Variants in CCSER1 observed in about 807,000 individuals in gnomAD.
CCSER1 encodes coiled-coil serine rich protein 1.
Under a neutral mutation model 82.0 loss-of-function variants are expected in CCSER1, and 41 were observed. The observed-to-expected ratio is 0.50, with a 90% confidence interval of 0.39 to 0.65. CCSER1 has a LOEUF of 0.65. Among genes scored for constraint, CCSER1 ranks in the 30% least tolerant of loss-of-function variants. The pLI, the probability that CCSER1 is intolerant of heterozygous loss-of-function variation, is 0.00. For synonymous variants in CCSER1, 414 were observed against 383.9 expected (o/e 1.08, Z -0.92); for missense variants, 1,119 against 1,064.2 (o/e 1.05, Z -0.72).
At chr4:91,258,102 T>G (rs1482478347) in intron 10 of CCSER1, among the ~76,000 whole-genome samples, 1 of 151,928 alleles carries the variant, frequency 6.6e-6, no homozygotes, top group Non-Finnish European at 1.5e-5. Context: ...ATCTAGTTAT[T>G]TTATGCTGAA....
chr4:90,187,381 A>G (rs946218404), intron 1 of CCSER1, among the ~76,000 whole-genome samples: 1 of 137,478 alleles, frequency 7.3e-6, no homozygotes, highest in East Asian at 2.1e-4. Context: ...TTTTTTGGCC[A>G]CCGTTGAAAT....
At chr4:91,185,878 G>A (rs1245084595) in intron 10 of CCSER1, among the ~76,000 whole-genome samples, 2 of 152,114 alleles carry the variant, frequency 1.3e-5, no homozygotes, top group African/African-American at 2.4e-5. Flanking sequence ...GCCTGTACTA[G>A]CCAAGTAGCT....
chr4:90,434,179 T>C (rs1301477976), intron 4 of CCSER1, among the ~76,000 whole-genome samples: 1 of 152,150 alleles, frequency 6.6e-6, no homozygotes, highest in Non-Finnish European at 1.5e-5. Context: ...AGATTATGCA[T>C]GAGCTTTTTC....
chr4:90,267,279 G>A (rs886534079), intron 1 of CCSER1, among the ~76,000 whole-genome samples: 7 of 151,950 alleles, frequency 4.6e-5, no homozygotes, highest in Non-Finnish European at 7.4e-5. Context: ...GGAATGAAGA[G>A]GGGGAAAGAC....
At chr4:90,206,618 T>C (rs1294531443) in intron 1 of CCSER1, among the ~76,000 whole-genome samples, 1 of 151,994 alleles carries the variant, frequency 6.6e-6, no homozygotes, top group Admixed American at 6.6e-5. Flanking sequence ...TTCCAATTAT[T>C]TGGTCAATTT....
At chr4:90,693,712 C>G (rs534228302) in intron 6 of CCSER1, among the ~76,000 whole-genome samples, 2 of 151,876 alleles carry the variant, frequency 1.3e-5, no homozygotes, top group Non-Finnish European at 2.9e-5. Context: ...CTCCAAGCCT[C>G]AGTTTCTTAT....
intron 3 of CCSER1, among the ~76,000 whole-genome samples, chr4:90,394,654 A>G (rs1300201980): frequency 2.0e-5 from 3 of 152,180 alleles, no homozygotes; most frequent in Non-Finnish European, 4.4e-5. Context: ...TAAATTTTAT[A>G]TAAGTAAATT....
chr4:90,764,978 T>G (rs1025860835), intron 7 of CCSER1, among the ~76,000 whole-genome samples: 1 of 152,144 alleles, frequency 6.6e-6, no homozygotes, highest in African/African-American at 2.4e-5. Context: ...CTCTCACTAT[T>G]GTCATTCTCC....
At chr4:90,283,967 C>T (rs975078733) in intron 1 of CCSER1, among the ~76,000 whole-genome samples, 1 of 152,018 alleles carries the variant, frequency 6.6e-6, no homozygotes, top group African/African-American at 2.4e-5. Context: ...TCCCCTTTCT[C>T]CACATCCTCA....
chr4:90,465,320 CTTT>C (rs1157811263), intron 4 of CCSER1, among the ~76,000 whole-genome samples: 61 of 131,934 alleles, frequency 4.6e-4, no homozygotes, highest in South Asian at 1.7e-3. Flanking sequence ...TTTCCGTGTT[CTTT>C]TTTTTTTTTT....
At position 90,128,851 on chromosome 4, in the gene CCSER1, C is replaced by T. The variant is rs72874386; in HGVS notation, c.-42+1020C>T. Among the ~76,000 whole-genome samples, 1,260 of 151,824 alleles carry T rather than the reference C, an allele frequency of 8.3e-3. 20 individuals are homozygous for T. The highest frequency in any genetic ancestry group is 0.029 in the African/African-American group (1,193 of 41,386). ...TTTCTCTCTCTCTCTCTCTCCTCTC[C>T]CTGCCTCAGAATTAGAAGCAATTAT... On this transcript the variant is annotated intron_variant, in intron 1 of 10. Coordinates refer to ENST00000509176, the MANE Select transcript of CCSER1 (RefSeq NM_001145065.2).
intron 9 of CCSER1, among the ~76,000 whole-genome samples, chr4:91,030,807 G>A (rs973528479): frequency 2.4e-5 from 3 of 123,108 alleles, no homozygotes; most frequent in African/African-American, 7.5e-5. Flanking sequence ...TCCAAAAGCT[G>A]TGTGAAAAGC....
Position 90,839,165 on chromosome 4 carries a change from T to C in CCSER1, c.2094+23320T>C. On this transcript the variant is annotated intron_variant, in intron 8 of 10. Coordinates refer to ENST00000509176, the MANE Select transcript of CCSER1 (RefSeq NM_001145065.2). The stretch of plus-strand genomic sequence containing the variant: ...GCATTTCTTCTATATTGCTAACTTC[T>C]TTGAGAAATATTATTATGATCTTTG... The C allele has an allele frequency of 8.1e-6, 6 of 740,382 alleles. No individual in the cohort carries two copies. In the South Asian group the frequency reaches 8.5e-5, roughly 10 times the overall value. 45.9% of individuals were successfully genotyped at this position (740,382 alleles called of 1,614,324 possible). A position where few individuals can be genotyped will look rare whatever the true frequency, so the allele number is the denominator to read the frequency against.
chr4:90,990,529 T>C (rs1736937716), intron 9 of CCSER1, among the ~76,000 whole-genome samples: 1 of 151,952 alleles, frequency 6.6e-6, no homozygotes, highest in South Asian at 2.1e-4. Context: ...GACTCTGCAA[T>C]TGCTTTGAGC....
At chr4:90,465,585 A>G (rs1375294922) in intron 4 of CCSER1, among the ~76,000 whole-genome samples, 2 of 152,022 alleles carry the variant, frequency 1.3e-5, no homozygotes, top group Non-Finnish European at 2.9e-5. Flanking sequence ...TACCTGGTCT[A>G]TTTTTTATAA....
intron 7 of CCSER1, among the ~76,000 whole-genome samples, chr4:90,807,423 T>G (rs1021357763): frequency 2.6e-5 from 4 of 152,106 alleles, no homozygotes; most frequent in Non-Finnish European, 5.9e-5. Context: ...TTCCTTGTAG[T>G]CAAGCTGGTT....
chr4:90,812,342 C>G (rs1758461359), intron 7 of CCSER1, among the ~76,000 whole-genome samples: 1 of 152,128 alleles, frequency 6.6e-6, no homozygotes, highest in Non-Finnish European at 1.5e-5. Flanking sequence ...GGATCAATAC[C>G]CTGTATCCTT....
At position 90,973,756 on chromosome 4, in the gene CCSER1, C is replaced by T. The variant is rs1042808030; in HGVS notation, c.2172+50309C>T. 1.1e-4 allele frequency among the ~76,000 whole-genome samples: 17 copies of T among 151,466 alleles called. 1 individual carries two copies. Among genetic ancestry groups the T allele is most frequent in the African/African-American group, 2.7e-4 (11 of 41,248 alleles). On this transcript the variant is annotated intron_variant, in intron 9 of 10. Transcript: ENST00000509176. ...AGCAATAACCAAAGCATGGAAACAA[C>T]GTAAATATCTGCCCGTGGATGAATG...
intron 1 of CCSER1, among the ~76,000 whole-genome samples, chr4:90,164,580 T>C (rs1221166058): frequency 6.6e-6 from 1 of 151,910 alleles, no homozygotes; most frequent in Non-Finnish European, 1.5e-5. Flanking sequence ...TTTTTAAAGG[T>C]GGATTAAAAA....
Sources: gnomAD v4.1 joint callset for allele counts (sites outside exome capture counted in the v4.1 genomes callset) on GRCh38, gnomAD v4.1.1 for gene constraint, MANE v1.5 for transcripts, NCBI Gene and HGNC (gene_info 2026-07-23, HGNC 2026-07-21) for gene names.